The following ZBTB7C variants were observed in gnomAD, a reference collection of about 807,000 sequenced individuals.
ZBTB7C encodes zinc finger and BTB domain-containing protein 7C.
A neutral mutation model predicts 25.7 loss-of-function variants in ZBTB7C; 8 were observed. The ratio of observed to expected loss-of-function variants is 0.31; its 90% CI spans 0.18 to 0.56. The LOEUF is 0.56. Among genes scored for constraint, ZBTB7C ranks in the 20% least tolerant of loss-of-function variants. The pLI is 0.91. For synonymous variants in ZBTB7C, 394 were observed against 369.0 expected (o/e 1.07, Z -0.78); for missense variants, 824 against 855.2 (o/e 0.96, Z 0.46).
intron 2 of ZBTB7C, among the ~76,000 whole-genome samples, chr18:48,231,640 G>A (rs924518120): frequency 6.6e-6 from 1 of 152,180 alleles, no homozygotes; most frequent in African/African-American, 2.4e-5. Flanking sequence ...TGCAGGACAA[G>A]AACTCAGGAC....
At chr18:48,346,591 G>T (rs1326888916) in intron 1 of ZBTB7C, 1 of 152,230 alleles carries the variant, frequency 6.6e-6, no homozygotes, top group Non-Finnish European at 1.5e-5. Flanking sequence ...GGATAGGAGA[G>T]GTTGCTTGCA....
At chr18:48,037,300 C>T (rs1219815496) in intron 4 of ZBTB7C, among the ~76,000 whole-genome samples, 2 of 152,224 alleles carry the variant, frequency 1.3e-5, no homozygotes, top group Non-Finnish European at 2.9e-5. Flanking sequence ...GGCCAGATGG[C>T]TGGATGACCA....
chr18:48,065,344 C>CACACACACACAA (rs1441905759), intron 3 of ZBTB7C, among the ~76,000 whole-genome samples: 2 of 152,152 alleles, frequency 1.3e-5, no homozygotes, highest in African/African-American at 4.8e-5. Flanking sequence ...CTCACACACA[C>CACACACACACAA]ACACACACAC....
intron 3 of ZBTB7C, among the ~76,000 whole-genome samples, chr18:48,127,523 C>T (rs1398214449): frequency 6.6e-6 from 1 of 152,248 alleles, no homozygotes; most frequent in African/African-American, 2.4e-5. Flanking sequence ...GGTCCGCACA[C>T]AGTAGGTGCT....
At chr18:48,228,999 C>T (rs991934383) in intron 2 of ZBTB7C, among the ~76,000 whole-genome samples, 3 of 152,114 alleles carry the variant, frequency 2.0e-5, no homozygotes, top group African/African-American at 7.2e-5. Flanking sequence ...ATAAGCACGG[C>T]AGGATTGTGC....
chr18:48,086,203 T>A (rs1359935735), intron 3 of ZBTB7C, among the ~76,000 whole-genome samples: 2 of 152,330 alleles, frequency 1.3e-5, no homozygotes, highest in South Asian at 2.1e-4. Flanking sequence ...ATCACCAAGT[T>A]CTTAGACTGT....
chr18:48,347,849 G>C (rs1370934593), intron 1 of ZBTB7C, among the ~76,000 whole-genome samples: 1 of 152,208 alleles, frequency 6.6e-6, no homozygotes, highest in Non-Finnish European at 1.5e-5. Context: ...GGAGGTTCTG[G>C]GGATGAAACA....
Position 48,040,665 on chromosome 18 carries a change from T to A in ZBTB7C, c.443A>T (p.Asp148Val), listed in dbSNP as rs776468030. The A allele has an allele frequency of 9.3e-6, 15 of 1,613,762 alleles. No homozygotes were observed. The highest frequency in any genetic ancestry group is 1.2e-5 in the Non-Finnish European group (14 of 1,179,838). The change falls in exon 4 of 5, where the codon GAT becomes GTT. Residue 148 changes from aspartate to valine, a missense_variant. Asp to Val is a radical substitution (Grantham distance 152, BLOSUM62 -3). Transcript: ENST00000590800. ...DKEDDDDDED[D>V]DDEEDEEEEE... The stretch of plus-strand genomic sequence containing the variant: ...CTCCTCTTCGTCCTCCTCATCATCA[T>A]CATCTTCGTCGTCGTCATCGTCCTC...
chr18:48,356,436 T>C (rs1287040931), intron 1 of ZBTB7C, among the ~76,000 whole-genome samples: 2 of 152,180 alleles, frequency 1.3e-5, no homozygotes, highest in East Asian at 1.9e-4. Flanking sequence ...AGTTTAACAG[T>C]GTCCCTGTCT....
chr18:48,405,216 G>C (rs762334512), intron 1 of ZBTB7C, among the ~76,000 whole-genome samples: 13 of 152,114 alleles, frequency 8.5e-5, no homozygotes, highest in Non-Finnish European at 1.8e-4. Context: ...ACAAAGGAGG[G>C]AGGACTTTGG....
intron 4 of ZBTB7C, 41 bp downstream of exon 4, chr18:48,039,859 C>T (rs1216810452): frequency 1.3e-6 from 2 of 1,597,860 alleles, no homozygotes; most frequent in Admixed American, 1.7e-5. Context: ...CCCCCATGGC[C>T]TCTGGCCCCG....
At chr18:48,323,928 C>T (rs997496493) in intron 2 of ZBTB7C, among the ~76,000 whole-genome samples, 2 of 152,098 alleles carry the variant, frequency 1.3e-5, no homozygotes, top group Non-Finnish European at 2.9e-5. Flanking sequence ...GGGATTAGGG[C>T]CTTTGGGAGG....
At chr18:48,328,308 A>G (rs1022987559) in intron 2 of ZBTB7C, among the ~76,000 whole-genome samples, 6 of 152,162 alleles carry the variant, frequency 3.9e-5, no homozygotes, top group African/African-American at 1.2e-4. Flanking sequence ...AGATATAGAC[A>G]GTGACACGGA....
At chr18:48,114,455 G>T (rs568568781) in intron 3 of ZBTB7C, among the ~76,000 whole-genome samples, 121 of 152,122 alleles carry the variant, frequency 8.0e-4, no homozygotes, top group Non-Finnish European at 1.3e-3. Context: ...ACAAAAATTA[G>T]CTGGACACAG....
chr18:48,101,110 T>G (rs932450308), intron 3 of ZBTB7C, among the ~76,000 whole-genome samples: 11 of 152,130 alleles, frequency 7.2e-5, no homozygotes, highest in African/African-American at 2.7e-4. Flanking sequence ...GCCCAGTCCC[T>G]GGCCTCTCCG....
At position 48,029,449 on chromosome 18, in the gene ZBTB7C, C is replaced by A. The variant is rs766534149; in HGVS notation, c.1671G>T (p.Lys557Asn). 1 of 1,596,904 alleles carries A rather than the reference C, an allele frequency of 6.3e-7. No homozygotes were observed. The highest frequency in any genetic ancestry group is 1.1e-5 in the South Asian group (1 of 89,604). ...CCTCCAGCTGCGCGCGCCCGAACAG[C>A]TTCATCTGTGTCTCCTCGAACTGCC... ...LERQFEETQM[K>N]LFGRAQLEAE... is the part of the protein sequence containing the mutation. The change falls in exon 5 of 5, where the codon AAG (lysine) becomes AAT (asparagine). Residue 557 changes from lysine (K) to asparagine (N), a missense_variant. Around this residue, in one of 4 missense-constraint regions of ZBTB7C, gnomAD observed 342 missense variants for 307.0 expected, o/e 1.11. Transcript: ENST00000590800.
At chr18:48,306,962 G>C (rs900845566) in intron 2 of ZBTB7C, among the ~76,000 whole-genome samples, 1 of 152,142 alleles carries the variant, frequency 6.6e-6, no homozygotes, top group East Asian at 1.9e-4. Flanking sequence ...GGCCCGGCAA[G>C]AGACGATCTG....
chr18:48,270,587 G>A lies in ZBTB7C; in HGVS notation c.-79+67587C>T, dbSNP rs190187425. On this transcript the variant is annotated intron_variant, in intron 2 of 4. Transcript: ENST00000590800. ...CACCTGTAATCCCAGCTACTTGGGA[G>A]GCTGAGGCACGAGAATCATTTGAAC... 4.5e-3 allele frequency among the ~76,000 whole-genome samples: 678 copies of A among 151,134 alleles called. 2 individuals are homozygous for A. The highest frequency in any genetic ancestry group is 0.016 in the African/African-American group (642 of 41,248).
At chr18:48,078,690 GAACCC>G (rs1301197446) in intron 3 of ZBTB7C, among the ~76,000 whole-genome samples, 1 of 152,142 alleles carries the variant, frequency 6.6e-6, no homozygotes, top group Non-Finnish European at 1.5e-5. Context: ...GAAGATGCAA[GAACCC>G]ATAGGCAGGT....
Sources: gnomAD v4.1 joint callset for allele counts (sites outside exome capture counted in the v4.1 genomes callset) on GRCh38, gnomAD v4.1.1 for gene constraint, gnomAD v4.1.1 regional missense constraint, MANE v1.5 for transcripts, NCBI Gene and HGNC (gene_info 2026-07-23, HGNC 2026-07-21) for gene names.